SPTLC1: variants seen among roughly 807,000 people sequenced by gnomAD.
SPTLC1 encodes serine palmitoyltransferase long chain base subunit 1, also known as serine palmitoyltransferase 1.
In SPTLC1, 55 loss-of-function variants were observed where a neutral mutation model predicts 68.9. The observed-to-expected ratio is 0.80, with a 90% confidence interval of 0.64 to 1.00. The LOEUF (loss-of-function observed/expected upper bound fraction) is 1.00, where lower values mean the gene tolerates loss of function less well. Ranked by LOEUF, SPTLC1 falls within the 50% of genes least tolerant of loss-of-function variation. SPTLC1 has a pLI of 0.00. For missense variants in SPTLC1, 449 were observed against 573.1 expected (o/e 0.78, Z 2.21); for synonymous variants, 197 against 201.6 (o/e 0.98, Z 0.19).
At chr9:92,068,206 T>C (rs936226127) in intron 5 of SPTLC1, 108 bp from the exon 6 acceptor site, 1 of 1,061,410 alleles carries the variant, frequency 9.4e-7, no homozygotes, top group African/African-American at 1.6e-5. Flanking sequence ...ACTTTCACCT[T>C]ATGGCCAAAA....
intron 8 of SPTLC1, among the ~76,000 whole-genome samples, chr9:92,052,383 G>T (rs1387024140): frequency 1.3e-5 from 2 of 152,114 alleles, no homozygotes; most frequent in East Asian, 1.9e-4. Context: ...ACTTGTGAAA[G>T]AATAAAATTG....
intron 3 of SPTLC1, among the ~76,000 whole-genome samples, chr9:92,092,738 C>T (rs1835408503): frequency 6.6e-6 from 1 of 151,546 alleles, no homozygotes; most frequent in South Asian, 2.1e-4. Context: ...CATCCTCCCT[C>T]CCCCCAAAAA....
chr9:92,101,742 G>GA (rs1216568725), intron 3 of SPTLC1, among the ~76,000 whole-genome samples: 1 of 148,028 alleles, frequency 6.8e-6, no homozygotes, highest in African/African-American at 2.5e-5. Context: ...CAGACTGAGG[G>GA]AAAAAAGGAG....
intron 1 of SPTLC1, chr9:92,114,996 T>C (rs866215411): frequency 8.7e-6 from 4 of 461,894 alleles, no homozygotes; most frequent in Non-Finnish European, 1.6e-5. Context: ...CACTCCGTTT[T>C]ATCGTCCGTC....
At chr9:92,095,355 T>C (rs536932681) in intron 3 of SPTLC1, among the ~76,000 whole-genome samples, 1 of 152,214 alleles carries the variant, frequency 6.6e-6, no homozygotes, top group South Asian at 2.1e-4. Context: ...CAGTATCCTA[T>C]TCCTGGTTCT....
intron 3 of SPTLC1, among the ~76,000 whole-genome samples, chr9:92,107,619 G>C (rs1836049081): frequency 6.6e-6 from 1 of 152,216 alleles, no homozygotes; most frequent in African/African-American, 2.4e-5. Context: ...GGGCATGGCA[G>C]CATGCGCCTG....
At chr9:92,053,605 T>C (rs1833785359) in intron 8 of SPTLC1, among the ~76,000 whole-genome samples, 1 of 152,250 alleles carries the variant, frequency 6.6e-6, no homozygotes, top group Non-Finnish European at 1.5e-5. Flanking sequence ...GAAATACTGA[T>C]ACATGGTATA....
chr9:92,033,155 G>GT (rs777867079), intron 14 of SPTLC1, among the ~76,000 whole-genome samples: 50 of 152,356 alleles, frequency 3.3e-4, no homozygotes, highest in Non-Finnish European at 5.1e-4. Flanking sequence ...CCCAGTCAGA[G>GT]TGAGTTTCCG....
At chr9:92,054,918 A>C (rs1013413283) in intron 8 of SPTLC1, among the ~76,000 whole-genome samples, 1 of 131,758 alleles carries the variant, frequency 7.6e-6, no homozygotes, top group Non-Finnish European at 1.7e-5. Context: ...TGCGGGGGAG[A>C]AAAAAAAAGC....
At chr9:92,104,931 G>A (rs1165732361) in intron 3 of SPTLC1, 2 of 1,534,490 alleles carry the variant, frequency 1.3e-6, no homozygotes, top group East Asian at 4.9e-5. Context: ...AGTTCACACA[G>A]CCCTGTTGGA....
intron 3 of SPTLC1, among the ~76,000 whole-genome samples, chr9:92,090,800 C>A (rs1835334569): frequency 6.6e-6 from 1 of 152,098 alleles, no homozygotes; most frequent in East Asian, 1.9e-4. Context: ...GCTCCTGCAA[C>A]TAGGTGTGGC....
chr9:92,050,182 C>G, intron 8 of SPTLC1, 115 bp from the exon 9 acceptor site: 1 of 716,392 alleles, frequency 1.4e-6, no homozygotes. Context: ...CTTGTGAATT[C>G]TATATGTGCA....
rs999632422 is a variant in SPTLC1, at chr9:92,083,043, G to C, written c.261-2080C>G. Among the ~76,000 whole-genome samples the C allele has an allele frequency of 8.9e-4, 135 of 152,046 alleles. 1 individual carries two copies. The highest frequency in any genetic ancestry group is 4.3e-3 in the Admixed American group (66 of 15,274). ...TTTGGCTGCATACATGTCTTCTTTTGAGAAGTGTCTGTTCATGTCCTTTGC... is the reference window on the plus strand; with the variant it reads ...TTTGGCTGCATACATGTCTTCTTTTCAGAAGTGTCTGTTCATGTCCTTTGC... On this transcript the variant is annotated intron_variant, in intron 3 of 14. Transcript: ENST00000262554.
At chr9:92,071,842 A>G (rs1834503494) in intron 5 of SPTLC1, among the ~76,000 whole-genome samples, 1 of 152,184 alleles carries the variant, frequency 6.6e-6, no homozygotes, top group Admixed American at 6.5e-5. Flanking sequence ...GCATTCTACC[A>G]TTGTAACAGG....
chr9:92,085,814 G>A (rs188991847), intron 3 of SPTLC1, among the ~76,000 whole-genome samples: 1,919 of 151,968 alleles, frequency 0.013, 22 homozygotes, highest in Middle Eastern at 0.027. Flanking sequence ...TTTCTGTCTC[G>A]TTGATCTGTC....
rs533354758 is a variant in SPTLC1 at position 92,101,018 on chromosome 9, TATAAAC to T, written c.260+7716_260+7721del. ...GTGACCGTGTCAACAGTCTCATAAATATAAACATAGGAGATAAAAAGCATGAAAATG... is the reference window on the plus strand; with the variant it reads ...GTGACCGTGTCAACAGTCTCATAAATATAGGAGATAAAAAGCATGAAAATG... On this transcript the variant is annotated intron_variant, in intron 3 of 14. Coordinates refer to ENST00000262554, the MANE Select transcript of SPTLC1 (RefSeq NM_006415.4). Among the ~76,000 whole-genome samples the T allele has an allele frequency of 1.8e-4, 27 of 152,172 alleles. No individual in the cohort carries two copies. The South Asian group carries it at 5.4e-3, about 30-fold the overall frequency.
chr9:92,099,061 C>T (rs1361290718), intron 3 of SPTLC1, among the ~76,000 whole-genome samples: 2 of 152,196 alleles, frequency 1.3e-5, no homozygotes, highest in African/African-American at 4.8e-5. Flanking sequence ...AATATAGCCT[C>T]ATAACATTGG....
chr9:92,073,540 C>T (rs959921903), intron 5 of SPTLC1, among the ~76,000 whole-genome samples: 7 of 152,192 alleles, frequency 4.6e-5, no homozygotes, highest in Non-Finnish European at 1.0e-4. Flanking sequence ...AAGGTGAAAA[C>T]CCAGCTCAGT....
chr9:92,039,529 T>G (rs1833268543), intron 12 of SPTLC1, among the ~76,000 whole-genome samples: 1 of 152,160 alleles, frequency 6.6e-6, no homozygotes, highest in South Asian at 2.1e-4. Context: ...AAAGTCTATT[T>G]TATCCTATAA....
Sources: allele counts gnomAD v4.1 joint callset (sites outside exome capture counted in the v4.1 genomes callset), GRCh38; gene constraint gnomAD v4.1.1; transcripts MANE v1.5; gene names NCBI Gene and HGNC (gene_info 2026-07-23, HGNC 2026-07-21).